The following TENM2 variants were observed in gnomAD, a reference collection of about 807,000 sequenced individuals.
The protein encoded by TENM2 is teneurin-2.
A neutral mutation model predicts 245.2 loss-of-function variants in TENM2; 52 were observed. That is an observed-to-expected ratio of 0.21 (90% CI 0.17 to 0.27). TENM2 has a LOEUF of 0.27. Among genes scored for constraint, TENM2 ranks in the 10% least tolerant of loss-of-function variants. TENM2 has a pLI of 1.00. For synonymous variants in TENM2, 1,363 were observed against 1,438.9 expected (o/e 0.95, Z 1.19); for missense variants, 3,046 against 3,666.8 (o/e 0.83, Z 4.37).
chr5:167,541,428 G>A (rs957499629), intron 2 of TENM2, among the ~76,000 whole-genome samples: 1 of 152,136 alleles, frequency 6.6e-6, no homozygotes, highest in African/African-American at 2.4e-5. Context: ...TTTAGAGGGT[G>A]AGGTGTTTTT....
chr5:167,890,424 G>A (rs1421196363), intron 3 of TENM2, among the ~76,000 whole-genome samples: 1 of 152,020 alleles, frequency 6.6e-6, no homozygotes. Flanking sequence ...CTATTTCAAG[G>A]AACAAGATCA....
chr5:167,863,458 TACACAC>T (rs35475369), intron 2 of TENM2, among the ~76,000 whole-genome samples: 6,681 of 143,294 alleles, frequency 0.047, 502 homozygotes, highest in African/African-American at 0.16. Context: ...CTACTAAAAA[TACACAC>T]ACACACACAC....
chr5:167,851,381 T>C (rs1770565318), intron 2 of TENM2, among the ~76,000 whole-genome samples: 1 of 152,224 alleles, frequency 6.6e-6, no homozygotes, highest in Admixed American at 6.5e-5. Context: ...TGTATATTTA[T>C]ATATCCAAAT....
intron 2 of TENM2, among the ~76,000 whole-genome samples, chr5:167,601,198 T>A (rs1052977689): frequency 6.6e-6 from 1 of 152,270 alleles, no homozygotes; most frequent in Admixed American, 6.5e-5. Flanking sequence ...GTATAATAGA[T>A]GCTTGCTTGC....
At chr5:167,109,854 A>G in the TENM2 span, among the ~76,000 whole-genome samples, 1 of 152,206 alleles carries the variant, frequency 6.6e-6, no homozygotes, top group Non-Finnish European at 1.5e-5. Flanking sequence ...TGTGGTCCTT[A>G]GGGCCTTGGA....
rs1453501114 is a variant in TENM2 at position 167,929,077 on chromosome 5, G to GA, written c.713-23508dup. Reference sequence around the variant, plus strand: ...AGAAAGAGAGAAAGAAAGAAAGAAAGAAAGAAAGAAAGAAAGAAAGAAAGA... The same window carrying GA: ...AGAAAGAGAGAAAGAAAGAAAGAAAGAAAAGAAAGAAAGAAAGAAAGAAAGA... On this transcript the variant is annotated intron_variant, in intron 3 of 28. Transcript: ENST00000518659. Among the ~76,000 whole-genome samples the GA allele has an allele frequency of 7.4e-4, 42 of 56,850 alleles. 1 individual carries two copies. Among genetic ancestry groups the GA allele is most frequent in the African/African-American group, 3.6e-3 (41 of 11,422 alleles). 37.3% of individuals were successfully genotyped at this position (56,850 alleles called of 152,430 possible).
At chr5:167,291,092 C>T (rs1381609081) in intron 1 of TENM2, among the ~76,000 whole-genome samples, 2 of 152,202 alleles carry the variant, frequency 1.3e-5, no homozygotes, top group South Asian at 2.1e-4. Flanking sequence ...CTGTTATCCT[C>T]CCAGTAATTA....
intron 21 of TENM2, among the ~76,000 whole-genome samples, chr5:168,215,502 A>C (rs1763106321): frequency 6.6e-6 from 1 of 152,130 alleles, no homozygotes; most frequent in African/African-American, 2.4e-5. Context: ...CCCCATCTCT[A>C]CTAAAAATTA....
intron 2 of TENM2, among the ~76,000 whole-genome samples, chr5:167,471,322 G>T (rs1414810152): frequency 6.6e-6 from 1 of 152,080 alleles, no homozygotes; most frequent in African/African-American, 2.4e-5. Flanking sequence ...CCCAAGCTAT[G>T]GCTGTGTAAT....
intron 2 of TENM2, among the ~76,000 whole-genome samples, chr5:167,838,583 A>G (rs2151135179): frequency 6.6e-6 from 1 of 152,300 alleles, no homozygotes; most frequent in East Asian, 1.9e-4. Context: ...ATGCTTTCAA[A>G]TTGAAACTAA....
At chr5:167,489,368 A>G (rs1340547442) in intron 2 of TENM2, among the ~76,000 whole-genome samples, 1 of 152,080 alleles carries the variant, frequency 6.6e-6, no homozygotes, top group African/African-American at 2.4e-5. Flanking sequence ...CAGGCATGTC[A>G]TCATCTCCAA....
chr5:167,787,950 G>C (rs1583011838), intron 2 of TENM2, among the ~76,000 whole-genome samples: 2 of 152,324 alleles, frequency 1.3e-5, no homozygotes, highest in East Asian at 3.9e-4. Context: ...AATGCTTCAT[G>C]TTACTTCTCT....
At chr5:167,363,222 T>C (rs559970276) in intron 1 of TENM2, among the ~76,000 whole-genome samples, 9 of 152,256 alleles carry the variant, frequency 5.9e-5, no homozygotes, top group African/African-American at 1.7e-4. Context: ...AGAACTGCAA[T>C]TGGGAAATGA....
At chr5:167,448,172 T>TC (rs1316102231) in intron 2 of TENM2, among the ~76,000 whole-genome samples, 1 of 152,044 alleles carries the variant, frequency 6.6e-6, no homozygotes, top group Non-Finnish European at 1.5e-5. Context: ...CAATGGCATG[T>TC]CCCCCCACCC....
At chr5:167,785,621 G>C (rs971018878) in intron 2 of TENM2, among the ~76,000 whole-genome samples, 2 of 152,156 alleles carry the variant, frequency 1.3e-5, no homozygotes, top group African/African-American at 4.8e-5. Flanking sequence ...ACTTCATAGG[G>C]TCCAGATGGT....
At chr5:167,818,691 T>C (rs1767261210) in intron 2 of TENM2, among the ~76,000 whole-genome samples, 1 of 152,164 alleles carries the variant, frequency 6.6e-6, no homozygotes, top group Non-Finnish European at 1.5e-5. Flanking sequence ...TGAGGTCAGC[T>C]TCTGAGTTGA....
intron 2 of TENM2, among the ~76,000 whole-genome samples, chr5:167,635,961 C>T (rs1779186931): frequency 1.4e-5 from 2 of 140,326 alleles, no homozygotes; most frequent in Admixed American, 7.0e-5. Flanking sequence ...TTCTTAAGAT[C>T]ACACACTTAA....
chr5:167,878,859 G>A (rs1773651591), intron 3 of TENM2, among the ~76,000 whole-genome samples: 1 of 152,136 alleles, frequency 6.6e-6, no homozygotes, highest in Non-Finnish European at 1.5e-5. Context: ...TAATTACACA[G>A]AATTTTTTAA....
intron 25 of TENM2, among the ~76,000 whole-genome samples, chr5:168,242,463 A>G (rs1414857610): frequency 6.6e-6 from 1 of 152,226 alleles, no homozygotes; most frequent in East Asian, 1.9e-4. Context: ...TTAACTGGTT[A>G]AAGTCTGAAG....
Sources: gnomAD v4.1 joint callset for allele counts (sites outside exome capture counted in the v4.1 genomes callset) on GRCh38, gnomAD v4.1.1 for gene constraint, MANE v1.5 for transcripts, NCBI Gene and HGNC (gene_info 2026-07-23, HGNC 2026-07-21) for gene names.